RNF220: variants seen among roughly 807,000 people sequenced by gnomAD.
RNF220 encodes ring finger protein 220.
RNF220 carries 7 observed loss-of-function variants against 67.1 expected under a neutral mutation model. The observed-to-expected ratio is 0.10, with a 90% CI of 0.06 to 0.20. The LOEUF (loss-of-function observed/expected upper bound fraction) is 0.20. Among genes scored for constraint, RNF220 ranks in the 10% least tolerant of loss-of-function variants. RNF220 has a pLI of 1.00. For missense variants in RNF220, 565 were observed against 740.3 expected, an observed-to-expected ratio of 0.76 and a Z score of 2.75; for synonymous variants, 270 against 283.2, an observed-to-expected ratio of 0.95 and a Z score of 0.47.
At chr1:44,571,637 C>T (rs992924774) in intron 2 of RNF220, among the ~76,000 whole-genome samples, 8 of 152,218 alleles carry the variant, frequency 5.3e-5, no homozygotes, top group Non-Finnish European at 1.2e-4. Context: ...TCAGGGTGAT[C>T]TCATGATCTT....
At chr1:44,564,029 C>T (rs1244547583) in intron 2 of RNF220, among the ~76,000 whole-genome samples, 2 of 152,208 alleles carry the variant, frequency 1.3e-5, no homozygotes, top group African/African-American at 4.8e-5. Flanking sequence ...CACTGGCCCC[C>T]ATGCCTGCCT....
At chr1:44,638,593 C>T (rs551396649) in intron 8 of RNF220, among the ~76,000 whole-genome samples, 9 of 152,220 alleles carry the variant, frequency 5.9e-5, no homozygotes, top group Admixed American at 2.0e-4. Flanking sequence ...CCACCAGGCC[C>T]CTGGAGGTTG....
In RNF220 at chr1:44,644,765, G is replaced by T; in HGVS notation, c.1194G>T (p.Gly398=). 6.2e-7 allele frequency: 1 copy of T among 1,614,036 alleles called. No individual in the cohort carries two copies. The highest frequency in any genetic ancestry group is 1.3e-5 in the African/African-American group (1 of 75,022). The change falls in exon 9 of 15, where the codon GGG becomes GGT. Residue 398 remains glycine (G), a synonymous_variant. Coordinates refer to ENST00000361799, the MANE Select transcript of RNF220 (RefSeq NM_018150.4). ...GTGATGCTGACTTGGATGTGGATGG[G>T]GATGACACTCTGGAGTATGGGAAGC... ...PDSDADLDVD[G]DDTLEYGKPQ... is the part of the protein sequence containing the mutation.
In RNF220 at chr1:44,582,236, G is replaced by A. The variant is rs1665339332; in HGVS notation, c.626-31929G>A. On this transcript the variant is annotated intron_variant, in intron 2 of 14. Transcript: ENST00000361799. ...GGAACGGGAAAGAGATGCACCCTAA[G>A]GCAAAGCCTGAGAAACTGGCAGCCC... Among the ~76,000 whole-genome samples, 3 of 152,210 alleles carry A rather than the reference G, an allele frequency of 2.0e-5. No homozygotes were observed. In the South Asian group the frequency reaches 6.2e-4, roughly 32 times the overall value.
Position 44,649,642 on chromosome 1 carries a change from C to A in RNF220, c.1446-19C>A. 6.2e-7 allele frequency: 1 copy of A among 1,611,662 alleles called. No individual in the cohort carries two copies. Among genetic ancestry groups the A allele is most frequent in the South Asian group, 1.1e-5 (1 of 91,038 alleles). On this transcript the variant is annotated intron_variant, in intron 12 of 14. Transcript: ENST00000361799. This position sits in a 1 kb window ranked among gnomAD's most constrained non-coding sequence, Gnocchi z 5.9. ...GAGAGATGCCAGCCTGCTACCCAAC[C>A]ATGCCTTCCTTTTTACAGAATCACC... is the stretch of plus-strand genomic sequence containing the variant.
chr1:44,407,548 G>C (rs1413412569), intron 1 of RNF220, among the ~76,000 whole-genome samples: 1 of 152,146 alleles, frequency 6.6e-6, no homozygotes, highest in East Asian at 1.9e-4. Flanking sequence ...AGGCAAGGCT[G>C]GGGAAGGCCG....
At chr1:44,488,032 T>C (rs917471031) in intron 2 of RNF220, among the ~76,000 whole-genome samples, 1 of 150,824 alleles carries the variant, frequency 6.6e-6, no homozygotes, top group African/African-American at 2.4e-5. Context: ...TGCAGTGGCA[T>C]GATCACAGCC....
chr1:44,483,755 T>C (rs1656042711), intron 2 of RNF220, among the ~76,000 whole-genome samples: 1 of 152,206 alleles, frequency 6.6e-6, no homozygotes. Flanking sequence ...TTGATCTGAT[T>C]TGAGATTATG....
rs568171026 is a variant in RNF220 at position 44,555,560 on chromosome 1, C to T, written c.626-58605C>T. 1.3e-4 allele frequency among the ~76,000 whole-genome samples: 19 copies of T among 151,930 alleles called. No individual in the cohort carries two copies. The East Asian group carries it at 2.5e-3, about 20-fold the overall frequency. On this transcript the variant is annotated intron_variant, in intron 2 of 14. Coordinates refer to ENST00000361799, the MANE Select transcript of RNF220 (RefSeq NM_018150.4). ...CATGATCTTGGCTCACTGCAAGCTC[C>T]GCCTCCCGGGTTCACGCCATTCTCC... is the stretch of plus-strand genomic sequence containing the variant.
At chr1:44,634,579 C>T (rs929663791) in intron 6 of RNF220, among the ~76,000 whole-genome samples, 1 of 152,208 alleles carries the variant, frequency 6.6e-6, no homozygotes, top group African/African-American at 2.4e-5. Flanking sequence ...CTCCCCACTC[C>T]CCATCAGTCT....
At chr1:44,553,387 T>A (rs1258737697) in intron 2 of RNF220, among the ~76,000 whole-genome samples, 2 of 96,436 alleles carry the variant, frequency 2.1e-5, no homozygotes, top group African/African-American at 6.4e-5. Context: ...AATGAATGAA[T>A]GAATGAATGA....
In RNF220 at chr1:44,649,606, G is replaced by A. The variant is rs1237989140; in HGVS notation, c.1446-55G>A. 13 of 1,512,182 alleles carry A rather than the reference G, an allele frequency of 8.6e-6. No homozygotes were observed. Among genetic ancestry groups the A allele is most frequent in the South Asian group, 3.4e-5 (3 of 88,962 alleles). The allele number at this position is 1,512,182 out of a possible 1,614,324, so 93.7% of individuals were successfully genotyped here. A position where few individuals can be genotyped will look rare whatever the true frequency, so the allele number is the denominator to read the frequency against. On this transcript the variant is annotated intron_variant, in intron 12 of 14. Coordinates refer to ENST00000361799, the MANE Select transcript of RNF220 (RefSeq NM_018150.4). This position sits in a 1 kb window ranked among gnomAD's most constrained non-coding sequence, Gnocchi z 5.9. The stretch of plus-strand genomic sequence containing the variant: ...TGGAATTCAAGGGAGGCGTAGGCTG[G>A]AGGTACAGATGAGAGATGCCAGCCT...
intron 2 of RNF220, among the ~76,000 whole-genome samples, chr1:44,447,347 TA>T (rs1482370922): frequency 6.6e-6 from 1 of 152,200 alleles, no homozygotes; most frequent in Non-Finnish European, 1.5e-5. Flanking sequence ...GTCAGGACAA[TA>T]AATAATTACG....
chr1:44,515,741 C>T (rs1213501055), intron 2 of RNF220, among the ~76,000 whole-genome samples: 5 of 152,286 alleles, frequency 3.3e-5, no homozygotes, highest in African/African-American at 7.2e-5. Context: ...CAGAGTTCTC[C>T]GAGCTCTGTA....
At chr1:44,481,213 G>A (rs1304446691) in intron 2 of RNF220, among the ~76,000 whole-genome samples, 1 of 151,930 alleles carries the variant, frequency 6.6e-6, no homozygotes, top group Non-Finnish European at 1.5e-5. Flanking sequence ...GCATGAGCCC[G>A]GGAGTTCAAG....
intron 2 of RNF220, among the ~76,000 whole-genome samples, chr1:44,576,671 A>G (rs1664828287): frequency 6.6e-6 from 1 of 152,156 alleles, no homozygotes; most frequent in East Asian, 1.9e-4. Flanking sequence ...GGAGCCCAGC[A>G]ACAACCCAGC....
At chr1:44,416,492 T>A (rs1648548832) in intron 2 of RNF220, among the ~76,000 whole-genome samples, 1 of 152,254 alleles carries the variant, frequency 6.6e-6, no homozygotes, top group Non-Finnish European at 1.5e-5. Flanking sequence ...GTCATGTGCA[T>A]ATCCTGATGG....
rs1644624759 is a variant in RNF220, at chr1:44,645,748, G to A, written c.1445+260G>A. Among the ~76,000 whole-genome samples the A allele has an allele frequency of 6.6e-6, 1 of 152,268 alleles. No individual in the cohort carries two copies. Among genetic ancestry groups the A allele is most frequent in the Non-Finnish European group, 1.5e-5 (1 of 68,052 alleles). On this transcript the variant is annotated intron_variant, in intron 12 of 14. Transcript: ENST00000361799. This position sits in a 1 kb window ranked among gnomAD's most constrained non-coding sequence, Gnocchi z 5.0. ...CTGCCTGCCTGCCTGCCCGCCTGCT[G>A]CGGCGGCCTTCGCCCGGGGAATGTG...
intron 8 of RNF220, among the ~76,000 whole-genome samples, chr1:44,642,492 A>G (rs1194035442): frequency 1.3e-5 from 2 of 152,164 alleles, no homozygotes; most frequent in African/African-American, 2.4e-5. Flanking sequence ...TGTATATTGT[A>G]GACCAGGAGG....
Sources: gnomAD v4.1 joint callset for allele counts (sites outside exome capture counted in the v4.1 genomes callset) on GRCh38, gnomAD v4.1.1 for gene constraint, Gnocchi (gnomAD v3.1) non-coding constraint, MANE v1.5 for transcripts, NCBI Gene and HGNC (gene_info 2026-07-23, HGNC 2026-07-21) for gene names.